The following EPM2A variants were observed in gnomAD, a reference collection of about 807,000 sequenced individuals.
EPM2A encodes the protein EPM2A glucan phosphatase, laforin.
EPM2A carries 21 observed loss-of-function variants against 26.5 expected under a neutral mutation model. That is an observed-to-expected ratio of 0.79 (90% CI 0.56 to 1.14). The LOEUF is 1.14. Ranked by LOEUF, EPM2A falls within the 50% of genes most tolerant of loss-of-function variation. The probability of loss-of-function intolerance (pLI) is 0.00; values close to 1 mark genes in which losing one functional copy is unlikely to be tolerated. For missense variants in EPM2A, 458 were observed against 440.8 expected (o/e 1.04, Z -0.35); for synonymous variants, 217 against 177.6 (o/e 1.22, Z -1.76).
intron 2 of EPM2A, among the ~76,000 whole-genome samples, chr6:145,559,764 T>C (rs1291308718): frequency 6.6e-6 from 1 of 151,166 alleles, no homozygotes; most frequent in Non-Finnish European, 1.5e-5. Context: ...TGTAAGATGC[T>C]AATTCCTACC....
chr6:145,450,308 G>A (rs1001866389), intron 4 of EPM2A, among the ~76,000 whole-genome samples: 36 of 144,092 alleles, frequency 2.5e-4, no homozygotes, highest in African/African-American at 5.9e-4. Context: ...AGCCGAGATC[G>A]CGCCACTGCA....
At chr6:145,525,130 G>A (rs1218794408) in intron 2 of EPM2A, among the ~76,000 whole-genome samples, 1 of 151,958 alleles carries the variant, frequency 6.6e-6, no homozygotes, top group African/African-American at 2.4e-5. Flanking sequence ...TGATCTATGT[G>A]CCTGTTTTTG....
chr6:145,394,737 C>A (rs1778382712), intron 4 of EPM2A, among the ~76,000 whole-genome samples: 1 of 152,120 alleles, frequency 6.6e-6, no homozygotes, highest in African/African-American at 2.4e-5. Flanking sequence ...AGCTATGGGT[C>A]TCTGTCGTGC....
intron 4 of EPM2A, among the ~76,000 whole-genome samples, chr6:145,475,043 T>C (rs1305323795): frequency 6.6e-6 from 1 of 152,174 alleles, no homozygotes; most frequent in African/African-American, 2.4e-5. Flanking sequence ...AGTTCAATCA[T>C]TGTGGAAGAC....
chr6:145,544,401 T>C (rs1780555950), intron 2 of EPM2A, among the ~76,000 whole-genome samples: 1 of 152,202 alleles, frequency 6.6e-6, no homozygotes, highest in Non-Finnish European at 1.5e-5. Context: ...CATGCTGCTC[T>C]CAGCTCAGTA....
rs543111972 is a variant in EPM2A at position 145,403,068 on chromosome 6, G to C, written c.556-18971C>G. Among the ~76,000 whole-genome samples, 39 of 152,132 alleles carry C rather than the reference G, an allele frequency of 2.6e-4. 1 individual carries two copies. In the South Asian group the frequency reaches 7.9e-3, roughly 31 times the overall value. ...TTGCCACCCTGGTAATTAAGAAATT[G>C]TATTTTGTTATTTTTAAAATATTTT... On this transcript the variant is annotated intron_variant, in intron 4 of 4. Coordinates refer to the EPM2A transcript ENST00000638717.
intron 4 of EPM2A, among the ~76,000 whole-genome samples, chr6:145,428,371 G>A (rs141452108): frequency 1.2e-3 from 188 of 151,678 alleles, no homozygotes; most frequent in African/African-American, 4.2e-3. Flanking sequence ...ATTTGCTTCT[G>A]TCACTGCACT....
chr6:145,627,966 A>C (rs906832998), intron 3 of EPM2A: 13 of 488,338 alleles, frequency 2.7e-5, no homozygotes, highest in Non-Finnish European at 4.7e-5. Context: ...ATCCATGCAA[A>C]TATCCCTCCA....
intron 2 of EPM2A, among the ~76,000 whole-genome samples, chr6:145,579,050 TA>T: frequency 6.6e-6 from 1 of 152,140 alleles, no homozygotes; most frequent in East Asian, 1.9e-4. Flanking sequence ...TACCTAATGT[TA>T]AATGACGAGT....
At chr6:145,428,764 G>T (rs982665927) in intron 4 of EPM2A, among the ~76,000 whole-genome samples, 1 of 152,266 alleles carries the variant, frequency 6.6e-6, no homozygotes, top group East Asian at 1.9e-4. Flanking sequence ...CCTTAACATC[G>T]ACAGGCAACA....
Position 145,735,466 on chromosome 6 carries a change from G to C in EPM2A, c.33C>G (p.Pro11=), listed in dbSNP as rs1388498057. ...GCTCCGGCCGGGCGCCGGCCACGGC[G>C]GGTGGCACCACCACCCCAAAGCGGA... MRFRFGVVVP[P]AVAGARPELL... The change falls in exon 1 of 4, where the codon CCC becomes CCG. Residue 11 remains proline (P), a synonymous_variant. Transcript: ENST00000367519. 1 of 1,225,000 alleles carries C rather than the reference G, an allele frequency of 8.2e-7. No individual in the cohort carries two copies. Among genetic ancestry groups the C allele is most frequent in the Admixed American group, 3.8e-5 (1 of 26,152 alleles). The allele number at this position is 1,225,000 out of a possible 1,614,324, so 75.9% of individuals were successfully genotyped here. A position where few individuals can be genotyped will look rare whatever the true frequency, so the allele number is the denominator to read the frequency against.
chr6:145,704,284 G>A (rs1012969669), intron 1 of EPM2A, among the ~76,000 whole-genome samples: 1 of 152,146 alleles, frequency 6.6e-6, no homozygotes, highest in African/African-American at 2.4e-5. Context: ...GGGAAACAAT[G>A]AGGTACTTAT....
At chr6:145,415,183 G>A (rs1218188408) in intron 4 of EPM2A, among the ~76,000 whole-genome samples, 1 of 152,192 alleles carries the variant, frequency 6.6e-6, no homozygotes, top group African/African-American at 2.4e-5. Context: ...AGAGAATTGT[G>A]CTTTCATTGG....
intron 4 of EPM2A, among the ~76,000 whole-genome samples, chr6:145,495,423 G>C (rs1017412739): frequency 1.3e-5 from 2 of 151,732 alleles, no homozygotes; most frequent in Non-Finnish European, 2.9e-5. Context: ...ACATACTGAT[G>C]GGTCTTGGTT....
intron 4 of EPM2A, among the ~76,000 whole-genome samples, chr6:145,446,090 G>A (rs370850407): frequency 1.7e-4 from 26 of 152,256 alleles, no homozygotes; most frequent in Middle Eastern, 3.4e-3. Context: ...AGTCAGCATC[G>A]GTTACCCAGC....
chr6:145,417,272 T>A (rs1488600030), intron 4 of EPM2A, among the ~76,000 whole-genome samples: 4 of 152,222 alleles, frequency 2.6e-5, no homozygotes, highest in Non-Finnish European at 5.9e-5. Flanking sequence ...CCTACAGAAG[T>A]CTGTAAAACT....
chr6:145,602,021 C>G (rs1014375249), intron 2 of EPM2A, among the ~76,000 whole-genome samples: 1 of 152,056 alleles, frequency 6.6e-6, no homozygotes, highest in Non-Finnish European at 1.5e-5. Context: ...CTTGTCATAC[C>G]TGTATAAATG....
At chr6:145,624,448 TG>T (rs1314816739), downstream of EPM2A, among the ~76,000 whole-genome samples, 1 of 152,232 alleles carries the variant, frequency 6.6e-6, no homozygotes, top group Non-Finnish European at 1.5e-5. Flanking sequence ...CTAACAATAC[TG>T]TCTGCTCTCA....
chr6:145,563,830 A>C (rs1780843340), intron 2 of EPM2A, among the ~76,000 whole-genome samples: 2 of 152,166 alleles, frequency 1.3e-5, no homozygotes. Flanking sequence ...TGAATAAATA[A>C]TTAAACATAA....
Sources: gnomAD v4.1 joint callset for allele counts (sites outside exome capture counted in the v4.1 genomes callset) on GRCh38, gnomAD v4.1.1 for gene constraint, MANE v1.5 for transcripts, NCBI Gene and HGNC (gene_info 2026-07-23, HGNC 2026-07-21) for gene names.